Variants in OLFM3 observed in about 807,000 individuals in gnomAD.
OLFM3 encodes olfactomedin 3, also known as noelin-3.
Under a neutral mutation model 48.6 loss-of-function variants are expected in OLFM3, and 20 were observed. The observed-to-expected ratio is 0.41, with a 90% confidence interval of 0.29 to 0.60. The LOEUF is 0.60. Among genes scored for constraint, OLFM3 ranks in the 20% least tolerant of loss-of-function variants. The probability of loss-of-function intolerance (pLI) is 0.28; values close to 1 mark genes in which losing one functional copy is unlikely to be tolerated. For synonymous variants in OLFM3, 222 were observed against 198.1 expected (o/e 1.12, Z -1.01); for missense variants, 437 against 544.3 (o/e 0.80, Z 1.96).
intron 4 of OLFM3, among the ~76,000 whole-genome samples, chr1:101,816,276 A>G (rs1478226426): frequency 6.6e-6 from 1 of 152,194 alleles, no homozygotes; most frequent in Non-Finnish European, 1.5e-5. Flanking sequence ...AGACAGGAGT[A>G]GGAAAATATG....
At chr1:101,858,977 A>G (rs1656539086) in intron 1 of OLFM3, among the ~76,000 whole-genome samples, 1 of 152,106 alleles carries the variant, frequency 6.6e-6, no homozygotes, top group Non-Finnish European at 1.5e-5. Context: ...CCATGGCTTC[A>G]ATAAATTTCC....
At chr1:101,837,535 A>G (rs1015936490) in intron 1 of OLFM3, 4 of 152,222 alleles carry the variant, frequency 2.6e-5, no homozygotes, top group African/African-American at 9.6e-5. Flanking sequence ...CATTGACGAC[A>G]TAGGTTAAAA....
chr1:101,844,192 A>C (rs896740043), intron 1 of OLFM3, among the ~76,000 whole-genome samples: 5 of 152,214 alleles, frequency 3.3e-5, no homozygotes, highest in African/African-American at 1.2e-4. Context: ...CACATGCCTA[A>C]AATGCCAAGA....
chr1:101,965,382 G>T (rs1268034394), intron 1 of OLFM3, among the ~76,000 whole-genome samples: 1 of 152,190 alleles, frequency 6.6e-6, no homozygotes, highest in Non-Finnish European at 1.5e-5. Flanking sequence ...TGGAGAATTA[G>T]CTATTAAGTC....
intron 1 of OLFM3, among the ~76,000 whole-genome samples, chr1:101,994,450 T>C (rs1661500767): frequency 1.3e-5 from 2 of 150,694 alleles, no homozygotes; most frequent in African/African-American, 4.8e-5. Flanking sequence ...TTATGAATCC[T>C]GACTTTTAAA....
chr1:101,967,251 A>T (rs1024818280), intron 1 of OLFM3, among the ~76,000 whole-genome samples: 5 of 151,802 alleles, frequency 3.3e-5, no homozygotes, highest in Non-Finnish European at 7.4e-5. Context: ...CTACCCTTAA[A>T]TGTCTTCCCT....
chr1:101,929,664 T>C (rs7515984), intron 1 of OLFM3, among the ~76,000 whole-genome samples: 74,899 of 151,868 alleles, frequency 0.49, 19,037 homozygotes, highest in East Asian at 0.64. Flanking sequence ...ATACTACATT[T>C]AGAGGTCATA....
At chr1:101,942,542 C>G (rs967882947) in intron 1 of OLFM3, among the ~76,000 whole-genome samples, 21 of 152,178 alleles carry the variant, frequency 1.4e-4, no homozygotes, top group African/African-American at 3.9e-4. Flanking sequence ...TTGTATTTCT[C>G]TATTCCTGTA....
intron 1 of OLFM3, among the ~76,000 whole-genome samples, chr1:101,973,462 T>A (rs1660866725): frequency 6.6e-6 from 1 of 152,238 alleles, no homozygotes; most frequent in Admixed American, 6.5e-5. Context: ...GTTTACTGAT[T>A]TAAATATTAA....
rs74837548 is a variant in OLFM3, at chr1:101,923,808, G to A, written c.69+72940C>T. 4.8e-3 allele frequency among the ~76,000 whole-genome samples: 729 copies of A among 152,054 alleles called. 8 individuals carry two copies. Among genetic ancestry groups the A allele is most frequent in the African/African-American group, 0.017 (703 of 41,480 alleles). ...CAGTTACAGTGGTTTCCCTTCAATA[G>A]GTTGGGACTGTGTTTTTTTCTAAAA... On this transcript the variant is annotated intron_variant, in intron 1 of 5. Coordinates refer to ENST00000370103, the MANE Select transcript of OLFM3 (RefSeq NM_058170.4).
At chr1:101,936,004 A>C (rs950998422) in intron 1 of OLFM3, among the ~76,000 whole-genome samples, 1 of 152,114 alleles carries the variant, frequency 6.6e-6, no homozygotes, top group African/African-American at 2.4e-5. Context: ...TGACAAACCC[A>C]TAGCCAATAT....
At chr1:101,983,889 C>G (rs1253540540) in intron 1 of OLFM3, among the ~76,000 whole-genome samples, 2 of 152,102 alleles carry the variant, frequency 1.3e-5, no homozygotes, top group Non-Finnish European at 2.9e-5. Flanking sequence ...CTTGCCATTG[C>G]CTTTGGTAGC....
intron 1 of OLFM3, among the ~76,000 whole-genome samples, chr1:101,902,091 G>T (rs2101019104): frequency 6.6e-6 from 1 of 151,920 alleles, no homozygotes; most frequent in Non-Finnish European, 1.5e-5. Flanking sequence ...AGGGGAAATA[G>T]AACTAGATAT....
chr1:101,893,261 G>T, intron 1 of OLFM3: 1 of 303,592 alleles, frequency 3.3e-6, no homozygotes, highest in Non-Finnish European at 6.6e-6. Context: ...AAAAAAAAAA[G>T]GAACAGTACA....
intron 1 of OLFM3, among the ~76,000 whole-genome samples, chr1:101,945,110 TTAAA>T (rs1243488494): frequency 6.6e-6 from 1 of 152,182 alleles, no homozygotes; most frequent in Non-Finnish European, 1.5e-5. Flanking sequence ...TGGGAGTTTC[TTAAA>T]TAAATAAATA....
intron 2 of OLFM3, among the ~76,000 whole-genome samples, chr1:101,831,055 T>A (rs1301011892): frequency 6.6e-6 from 1 of 152,220 alleles, no homozygotes; most frequent in Admixed American, 6.5e-5. Context: ...CATTCTAGCA[T>A]TAGAACTGAC....
At chr1:101,959,309 T>A (rs1376775699) in intron 1 of OLFM3, among the ~76,000 whole-genome samples, 2 of 150,964 alleles carry the variant, frequency 1.3e-5, no homozygotes, top group Non-Finnish European at 2.9e-5. Context: ...ATTTCTAAAA[T>A]GTCAACAGAT....
intron 1 of OLFM3, among the ~76,000 whole-genome samples, chr1:101,928,357 G>T (rs1335367203): frequency 6.6e-6 from 1 of 152,060 alleles, no homozygotes; most frequent in Non-Finnish European, 1.5e-5. Flanking sequence ...GATTATAGAG[G>T]TTTATTGTGC....
chr1:101,920,197 C>A (rs557326684), intron 1 of OLFM3, among the ~76,000 whole-genome samples: 1 of 152,214 alleles, frequency 6.6e-6, no homozygotes, highest in East Asian at 1.9e-4. Flanking sequence ...CAGAGTGATT[C>A]TTTAAAAATC....
Sources: allele counts gnomAD v4.1 joint callset (sites outside exome capture counted in the v4.1 genomes callset), GRCh38; gene constraint gnomAD v4.1.1; transcripts MANE v1.5; gene names NCBI Gene and HGNC (gene_info 2026-07-23, HGNC 2026-07-21).